DOT1L: variants seen among roughly 807,000 people sequenced by gnomAD.
DOT1L encodes DOT1 like histone lysine methyltransferase.
In DOT1L, 33 loss-of-function variants were observed where a neutral mutation model predicts 153.3. That is an observed-to-expected ratio of 0.22 (90% CI 0.16 to 0.29). The LOEUF is 0.29. DOT1L is among the 10% of genes least tolerant of loss of function. The probability of loss-of-function intolerance (pLI) is 1.00; values close to 1 mark genes in which losing one functional copy is unlikely to be tolerated. For missense variants in DOT1L, 1,847 were observed against 2,119.9 expected, an observed-to-expected ratio of 0.87 and a Z score of 2.53; for synonymous variants, 1,135 against 965.1, an observed-to-expected ratio of 1.18 and a Z score of -3.26.
chr19:2,175,156 G>T (rs896162622), intron 1 of DOT1L, among the ~76,000 whole-genome samples: 1 of 151,732 alleles, frequency 6.6e-6, no homozygotes, highest in Non-Finnish European at 1.5e-5. Flanking sequence ...CCACCACCAC[G>T]CCCGGTTAAT....
At chr19:2,202,884 T>A in intron 9 of DOT1L, 105 bp downstream of exon 9, 1 of 1,090,936 alleles carries the variant, frequency 9.2e-7, no homozygotes, top group Non-Finnish European at 1.4e-6. Flanking sequence ...AGACTTGGGG[T>A]CTTCAGTCCC....
chr19:2,171,443 C>T (rs1026609465), intron 1 of DOT1L, among the ~76,000 whole-genome samples: 4 of 152,170 alleles, frequency 2.6e-5, no homozygotes, highest in Non-Finnish European at 5.9e-5. Context: ...GGCTCTGCCC[C>T]CAGGGGACAC....
intron 26 of DOT1L, 134 bp from the exon 27 acceptor site, chr19:2,226,049 G>A (rs189310621): frequency 3.4e-5 from 33 of 956,922 alleles, no homozygotes; most frequent in Middle Eastern, 5.3e-4. Context: ...ATCCTGTCCC[G>A]CTTGGCATCT....
At chr19:2,188,482 C>A (rs1201920631) in intron 3 of DOT1L, among the ~76,000 whole-genome samples, 2 of 77,178 alleles carry the variant, frequency 2.6e-5, no homozygotes, top group Non-Finnish European at 5.0e-5. Context: ...CAGCCGCCGC[C>A]CCCCCCCCCC....
Position 2,230,860 on chromosome 19 carries a change from C to T in DOT1L, c.*1068C>T, listed in dbSNP as rs903274372. ...CCAGACAGAGCTGCCGGCGCCCCTG[C>T]CTGCCCCACATCCCTTCCTGTCAGG... On this transcript the variant is annotated 3_prime_UTR_variant, in exon 28 of 28. Coordinates refer to ENST00000398665, the MANE Select transcript of DOT1L (RefSeq NM_032482.3). 4 of 346,168 alleles carry T rather than the reference C, an allele frequency of 1.2e-5. No individual in the cohort carries two copies. The highest frequency in any genetic ancestry group is 6.3e-5 in the African/African-American group (3 of 47,896). 21.4% of individuals were successfully genotyped at this position (346,168 alleles called of 1,614,324 possible). A position where few individuals can be genotyped will look rare whatever the true frequency, so the allele number is the denominator to read the frequency against.
At chr19:2,200,971 C>CTCCCCTCATTCCTCGTCG (rs2023246218) in intron 8 of DOT1L, among the ~76,000 whole-genome samples, 1 of 136,370 alleles carries the variant, frequency 7.3e-6, no homozygotes, top group Non-Finnish European at 1.6e-5. Flanking sequence ...ATTCCTCGTC[C>CTCCCCTCATTCCTCGTCG]TCCCCTCATT....
Position 2,176,216 on chromosome 19 carries a change from C to T in DOT1L, c.82-4497C>T, listed in dbSNP as rs1367869305. Among the ~76,000 whole-genome samples, 6 of 152,072 alleles carry T rather than the reference C, an allele frequency of 3.9e-5. No homozygotes were observed. The East Asian group carries it at 1.2e-3, about 29-fold the overall frequency. ...GTGAAGTCTGCACAAAGCCCTGTCC[C>T]CCAGCCCTCGGTCCACACAGCATCC... On this transcript the variant is annotated intron_variant, in intron 1 of 27. Coordinates refer to ENST00000398665, the MANE Select transcript of DOT1L (RefSeq NM_032482.3).
At position 2,220,239 on chromosome 19, in the gene DOT1L, G is replaced by T; in HGVS notation, c.2806+17G>T. The T allele has an allele frequency of 6.2e-7, 1 of 1,606,698 alleles. No homozygotes were observed. Among genetic ancestry groups the T allele is most frequent in the Non-Finnish European group, 8.5e-7 (1 of 1,176,372 alleles). On this transcript the variant is annotated intron_variant, in intron 23 of 27. Transcript: ENST00000398665. This position sits in a 1 kb window ranked among gnomAD's most constrained non-coding sequence, Gnocchi z 4.5. The stretch of plus-strand genomic sequence containing the variant: ...CCCCCGCAGGTAACGCCCCTCCTGT[G>T]CCCTACCCTCAGGACTCTGCTGCTG...
rs1296544097 is a variant in DOT1L at position 2,204,974 on chromosome 19, AT to A, written c.788-1742del. 6.1e-4 allele frequency among the ~76,000 whole-genome samples: 88 copies of A among 144,692 alleles called. No homozygotes were observed. The highest frequency in any genetic ancestry group is 5.3e-4 in the Non-Finnish European group (35 of 65,528). The allele number at this position is 144,692 out of a possible 152,430, so 94.9% of individuals were successfully genotyped here. On this transcript the variant is annotated intron_variant, in intron 9 of 27. Transcript: ENST00000398665. The surrounding 1 kb of genome is among the most constrained non-coding windows in gnomAD (Gnocchi z 5.7). ...TTAAATGGATCCACTTTGACTTTTA[AT>A]TTTTTTTTTTTTGGAGACGGAGTCT...
At chr19:2,218,674 T>C (rs1233274962) in intron 22 of DOT1L, among the ~76,000 whole-genome samples, 1 of 151,656 alleles carries the variant, frequency 6.6e-6, no homozygotes, top group Non-Finnish European at 1.5e-5. Flanking sequence ...ATTACAGGCG[T>C]GAGCCACGAC....
intron 1 of DOT1L, among the ~76,000 whole-genome samples, chr19:2,165,771 T>C (rs1193803608): frequency 4.7e-5 from 4 of 84,806 alleles, no homozygotes; most frequent in African/African-American, 1.1e-4. Context: ...GGCTTCACAT[T>C]TTTTTTTTTT....
chr19:2,187,903 CAG>C (rs1258505541), intron 3 of DOT1L, among the ~76,000 whole-genome samples: 4 of 135,724 alleles, frequency 2.9e-5, no homozygotes, highest in Admixed American at 8.0e-5. Flanking sequence ...GCCTGGGTGA[CAG>C]AGCGAGACTC....
In DOT1L at chr19:2,206,600, C is replaced by T. The variant is rs1436328432; in HGVS notation, c.788-129C>T. 3.8e-6 allele frequency: 3 copies of T among 786,472 alleles called. No homozygotes were observed. The East Asian group carries it at 7.9e-5, about 21-fold the overall frequency. The allele number at this position is 786,472 out of a possible 1,614,324, so 48.7% of individuals were successfully genotyped here. On this transcript the variant is annotated intron_variant, in intron 9 of 27. Transcript: ENST00000398665. ...GGTGTTTCCTAGTGTTGCTTGTAGGCAGGTGGACAGGACCCGGAGCCCAGT... is the reference window on the plus strand; with the variant it reads ...GGTGTTTCCTAGTGTTGCTTGTAGGTAGGTGGACAGGACCCGGAGCCCAGT...
Position 2,197,722 on chromosome 19 carries a change from C to T in DOT1L, c.652-2162C>T, listed in dbSNP as rs900478974. ...TCTGGGAGCATGATTTGGGGGAAAG[C>T]GTGGCATTCTTCGTGGCTTTGGCAA... On this transcript the variant is annotated intron_variant, in intron 7 of 27. Coordinates refer to ENST00000398665, the MANE Select transcript of DOT1L (RefSeq NM_032482.3). The surrounding 1 kb of genome is among the most constrained non-coding windows in gnomAD (Gnocchi z 4.1). Among the ~76,000 whole-genome samples, 7 of 152,118 alleles carry T rather than the reference C, an allele frequency of 4.6e-5. No individual in the cohort carries two copies. The highest frequency in any genetic ancestry group is 7.4e-5 in the Non-Finnish European group (5 of 68,020).
chr19:2,179,868 C>G (rs763061464), intron 1 of DOT1L, among the ~76,000 whole-genome samples: 1 of 152,170 alleles, frequency 6.6e-6, no homozygotes, highest in Non-Finnish European at 1.5e-5. Context: ...TCAAGTGATT[C>G]GCTCCCTGCA....
Position 2,226,849 on chromosome 19 carries a change from G to T in DOT1L, c.4328G>T (p.Gly1443Val). 1 of 1,579,684 alleles carries T rather than the reference G, an allele frequency of 6.3e-7. No individual in the cohort carries two copies. Residue 1443 changes from glycine (G) to valine (V), a missense_variant, in exon 27 of 28, where the codon GGC (glycine) becomes GTC (valine). This residue lies in a region of DOT1L where 934 missense variants were observed against 825.3 expected (regional missense o/e 1.13). Coordinates refer to ENST00000398665, the MANE Select transcript of DOT1L (RefSeq NM_032482.3). Reference protein sequence around the residue: ...VPPGSLLSGPGLAPAASSAGG... With the variant: ...VPPGSLLSGPVLAPAASSAGG... The stretch of plus-strand genomic sequence containing the variant: ...CCCGGAAGCCTCCTCAGCGGCCCCG[G>T]CCTGGCCCCGGCGGCGTCCTCCGCA...
At position 2,164,111 on chromosome 19, in the gene DOT1L, TC is replaced by T; in HGVS notation, c.-72del. 1 of 7,474 alleles carries T rather than the reference TC, an allele frequency of 1.3e-4. No homozygotes were observed. Among genetic ancestry groups the T allele is most frequent in the African/African-American group, 5.7e-4 (1 of 1,764 alleles). 0.5% of individuals were successfully genotyped at this position (7,474 alleles called of 1,614,324 possible). A position where few individuals can be genotyped will look rare whatever the true frequency, so the allele number is the denominator to read the frequency against. ...TCCCGCCCCTCCCTCCCGCCCGCCC[TC>T]CTCCGCCCACCGGCGGCCCCGCCCC... On this transcript the variant is annotated 5_prime_UTR_variant, in exon 1 of 28. Coordinates refer to ENST00000398665, the MANE Select transcript of DOT1L (RefSeq NM_032482.3).
At chr19:2,214,048 G>C in intron 18 of DOT1L, 62 bp downstream of exon 18, 1 of 1,562,272 alleles carries the variant, frequency 6.4e-7, no homozygotes, top group Non-Finnish European at 8.7e-7. Context: ...GGGCGGGTGT[G>C]TCCTCTGTGC....
At position 2,226,677 on chromosome 19, in the gene DOT1L, G is replaced by A. The variant is rs3815308; in HGVS notation, c.4156G>A (p.Gly1386Ser). The change falls in exon 27 of 28, where the codon GGC becomes AGC. Residue 1386 changes from glycine to serine, a missense_variant. Physicochemically the swap from Gly to Ser is moderately conservative, Grantham distance 56. Around this residue, in one of 8 missense-constraint regions of DOT1L, gnomAD observed 934 missense variants for 825.3 expected, o/e 1.13. Coordinates refer to ENST00000398665, the MANE Select transcript of DOT1L (RefSeq NM_032482.3). Reference sequence around the variant, plus strand: ...TGGGCTGAAGGGCGAGGGCAGCCGCGGCAAGGAGGCAGGGGAGGGCGGCCT... The same window carrying A: ...TGGGCTGAAGGGCGAGGGCAGCCGCAGCAAGGAGGCAGGGGAGGGCGGCCT... The part of the protein sequence containing the change: ...LAGLKGEGSR[G>S]KEAGEGGLPL... The A allele has an allele frequency of 0.4, 632,404 of 1,572,938 alleles. 134,697 individuals are homozygous for A. Among genetic ancestry groups the A allele is most frequent in the Middle Eastern group, 0.46 (2,766 of 6,004 alleles).
Sources: gnomAD v4.1 joint callset for allele counts (sites outside exome capture counted in the v4.1 genomes callset) on GRCh38, gnomAD v4.1.1 for gene constraint, gnomAD v4.1.1 regional missense constraint, Gnocchi (gnomAD v3.1) non-coding constraint, MANE v1.5 for transcripts, NCBI Gene and HGNC (gene_info 2026-07-23, HGNC 2026-07-21) for gene names.